The following THSD7A variants were observed in gnomAD, a reference collection of about 807,000 sequenced individuals.
THSD7A encodes the protein thrombospondin type 1 domain containing 7A, also known as thrombospondin type-1 domain-containing protein 7A.
Under a neutral mutation model 231.3 loss-of-function variants are expected in THSD7A, and 96 were observed. That is an observed-to-expected ratio of 0.41 (90% CI 0.35 to 0.49). THSD7A has a LOEUF of 0.49. Among genes scored for constraint, THSD7A ranks in the 20% least tolerant of loss-of-function variants. The probability of loss-of-function intolerance (pLI) is 0.05; values close to 1 mark genes in which losing one functional copy is unlikely to be tolerated. For synonymous variants in THSD7A, 940 were observed against 743.3 expected, an observed-to-expected ratio of 1.26 and a Z score of -4.30; for missense variants, 2,290 against 2,070.2, an observed-to-expected ratio of 1.11 and a Z score of -2.06.
At chr7:11,639,486 A>G (rs12699251) in intron 1 of THSD7A, among the ~76,000 whole-genome samples, 50,072 of 151,722 alleles carry the variant, frequency 0.33, 9,221 homozygotes, top group Non-Finnish European at 0.42. Context: ...TGACTAACAC[A>G]GTGAAACCCT....
rs1010050232 is a variant in THSD7A, at chr7:11,530,277, T to C, written c.1822+11142A>G. ...ATTTGAAGGCATACTGAGATGTTAATAGGGTGTGCAATTTGGTGTCATGCT... is the reference window on the plus strand; with the variant it reads ...ATTTGAAGGCATACTGAGATGTTAACAGGGTGTGCAATTTGGTGTCATGCT... On this transcript the variant is annotated intron_variant, in intron 6 of 27. Coordinates refer to ENST00000423059, the MANE Select transcript of THSD7A (RefSeq NM_015204.3). 5.9e-5 allele frequency among the ~76,000 whole-genome samples: 9 copies of C among 152,288 alleles called. 1 individual carries two copies. In the Middle Eastern group the frequency reaches 0.017, roughly 288 times the overall value.
intron 16 of THSD7A, among the ~76,000 whole-genome samples, chr7:11,423,696 G>A (rs1459557433): frequency 6.6e-6 from 1 of 152,032 alleles, no homozygotes; most frequent in Non-Finnish European, 1.5e-5. Flanking sequence ...AGAAACCAGT[G>A]TATTTAAAAA....
At chr7:11,765,773 C>A (rs947265379) in intron 1 of THSD7A, among the ~76,000 whole-genome samples, 10 of 152,042 alleles carry the variant, frequency 6.6e-5, no homozygotes, top group Non-Finnish European at 1.5e-4. Context: ...TTATGGCCCT[C>A]TAGTTCTGTC....
chr7:11,378,674 A>G, intron 26 of THSD7A: 1 of 204,200 alleles, frequency 4.9e-6, no homozygotes, highest in Non-Finnish European at 1.0e-5. Flanking sequence ...TCAAACTATT[A>G]CTGTTCCTAT....
chr7:11,545,620 G>A (rs1789347504), intron 4 of THSD7A, among the ~76,000 whole-genome samples: 1 of 152,138 alleles, frequency 6.6e-6, no homozygotes, highest in African/African-American at 2.4e-5. Flanking sequence ...TCCATTCCTG[G>A]CCCTGAGGGG....
intron 1 of THSD7A, among the ~76,000 whole-genome samples, chr7:11,672,655 G>T (rs1274383557): frequency 2.0e-5 from 3 of 151,980 alleles, no homozygotes; most frequent in Non-Finnish European, 4.4e-5. Flanking sequence ...TGATTTCATA[G>T]TATCACACAC....
chr7:11,643,782 C>A (rs1782181409), intron 1 of THSD7A, among the ~76,000 whole-genome samples: 1 of 151,818 alleles, frequency 6.6e-6, no homozygotes, highest in Non-Finnish European at 1.5e-5. Context: ...TGATTATTTC[C>A]AATATTATAA....
At chr7:11,738,890 A>G (rs186616109) in intron 1 of THSD7A, among the ~76,000 whole-genome samples, 401 of 152,066 alleles carry the variant, frequency 2.6e-3, no homozygotes, top group Non-Finnish European at 4.6e-3. Context: ...CAGACTTCTG[A>G]CCTCCAAAGC....
intron 1 of THSD7A, among the ~76,000 whole-genome samples, chr7:11,767,735 A>C (rs1204958330): frequency 1.3e-5 from 2 of 152,160 alleles, no homozygotes; most frequent in African/African-American, 4.8e-5. Context: ...TTCTTGTTGA[A>C]AGTTGAATGA....
At chr7:11,582,472 A>G (rs537403861) in intron 4 of THSD7A, among the ~76,000 whole-genome samples, 2 of 152,200 alleles carry the variant, frequency 1.3e-5, no homozygotes, top group African/African-American at 4.8e-5. Flanking sequence ...TAATATTAGT[A>G]TTGCTTCATA....
At chr7:11,781,731 G>C (rs898376252) in intron 1 of THSD7A, among the ~76,000 whole-genome samples, 8 of 152,044 alleles carry the variant, frequency 5.3e-5, no homozygotes, top group African/African-American at 1.9e-4. Flanking sequence ...TTAGTATTTG[G>C]CTTTATATTG....
chr7:11,404,741 T>C (rs1562583339), intron 22 of THSD7A, among the ~76,000 whole-genome samples: 1 of 152,194 alleles, frequency 6.6e-6, no homozygotes, highest in Non-Finnish European at 1.5e-5. Flanking sequence ...TCTTTTCTTT[T>C]ACTTTATTTT....
At chr7:11,764,386 C>G (rs903802870) in intron 1 of THSD7A, among the ~76,000 whole-genome samples, 1 of 152,000 alleles carries the variant, frequency 6.6e-6, no homozygotes, top group African/African-American at 2.4e-5. Flanking sequence ...TCGAGACCAT[C>G]CTGGCTAACA....
At position 11,373,610 on chromosome 7, in the gene THSD7A, T is replaced by G. The variant is rs150002392; in HGVS notation, c.*2184A>C. The G allele has an allele frequency of 6.6e-6, 1 of 152,188 alleles. No individual in the cohort carries two copies. Among genetic ancestry groups the G allele is most frequent in the African/African-American group, 2.4e-5 (1 of 41,564 alleles). 9.4% of individuals were successfully genotyped at this position (152,188 alleles called of 1,614,324 possible). On this transcript the variant is annotated 3_prime_UTR_variant, in exon 28 of 28. Coordinates refer to ENST00000423059, the MANE Select transcript of THSD7A (RefSeq NM_015204.3). ...ATTTCCTAATATAGTGAATATTGAA[T>G]GAGGAATTAGCGCTTACTGCATTTA... is the stretch of plus-strand genomic sequence containing the variant.
At chr7:11,470,758 C>T (rs888046426) in intron 8 of THSD7A, among the ~76,000 whole-genome samples, 2 of 151,734 alleles carry the variant, frequency 1.3e-5, no homozygotes, top group African/African-American at 4.8e-5. Flanking sequence ...AACTAAAATA[C>T]TGTATTTTTG....
rs183072814 is a variant in THSD7A at position 11,732,605 on chromosome 7, G to A, written c.191-95644C>T. Reference sequence around the variant, plus strand: ...AAAATAAAACATTTACATATACAGTGAAGAGTTTTCAATTATTTATAAAAC... The same window carrying A: ...AAAATAAAACATTTACATATACAGTAAAGAGTTTTCAATTATTTATAAAAC... On this transcript the variant is annotated intron_variant, in intron 1 of 27. Transcript: ENST00000423059. Among the ~76,000 whole-genome samples, 101 of 151,866 alleles carry A rather than the reference G, an allele frequency of 6.7e-4. 2 individuals are homozygous for A. Among genetic ancestry groups the A allele is most frequent in the African/African-American group, 2.2e-3 (92 of 41,518 alleles).
At chr7:11,497,343 A>G (rs1426464657) in intron 6 of THSD7A, among the ~76,000 whole-genome samples, 1 of 152,190 alleles carries the variant, frequency 6.6e-6, no homozygotes, top group African/African-American at 2.4e-5. Context: ...AAACATATCA[A>G]TCAATAAGAT....
At chr7:11,565,387 T>C (rs1400503181) in intron 4 of THSD7A, among the ~76,000 whole-genome samples, 1 of 152,194 alleles carries the variant, frequency 6.6e-6, no homozygotes, top group Admixed American at 6.5e-5. Flanking sequence ...CCACAGACTG[T>C]CGCTTAAACA....
chr7:11,557,044 T>A (rs907530743), intron 4 of THSD7A, among the ~76,000 whole-genome samples: 1 of 152,048 alleles, frequency 6.6e-6, no homozygotes. Flanking sequence ...CTGAATACAT[T>A]TTTTTTCTTT....
Sources: allele counts gnomAD v4.1 joint callset (sites outside exome capture counted in the v4.1 genomes callset), GRCh38; gene constraint gnomAD v4.1.1; transcripts MANE v1.5; gene names NCBI Gene and HGNC (gene_info 2026-07-23, HGNC 2026-07-21).